The following REPS2 variants were observed in gnomAD, a reference collection of about 807,000 sequenced individuals.
The protein encoded by REPS2 is RALBP1 associated Eps domain containing 2.
Under a neutral mutation model 53.6 loss-of-function variants are expected in REPS2, and 23 were observed. The observed-to-expected ratio is 0.43, with a 90% confidence interval of 0.31 to 0.61. REPS2 has a LOEUF of 0.61. REPS2 is among the 20% of genes least tolerant of loss of function. The probability of loss-of-function intolerance (pLI) is 0.11; values close to 1 mark genes in which losing one functional copy is unlikely to be tolerated. For synonymous variants in REPS2, 238 were observed against 218.6 expected (o/e 1.09, Z -0.78); for missense variants, 446 against 534.9 (o/e 0.83, Z 1.64).
chrX:17,001,040 G>T (rs1484894122), intron 1 of REPS2, among the ~76,000 whole-genome samples: 1 of 111,633 alleles, frequency 9.0e-6, no homozygotes, highest in African/African-American at 3.3e-5. Context: ...TTTCTGAATT[G>T]GGAAGGTTTA....
intron 14 of REPS2, among the ~76,000 whole-genome samples, chrX:17,133,117 A>T (rs2063316310): frequency 9.0e-6 from 1 of 111,594 alleles, no homozygotes; most frequent in Non-Finnish European, 1.9e-5. Flanking sequence ...CCTTGCCAGC[A>T]TGGGCTTTTT....
At chrX:16,999,120 C>G (rs1027699426) in intron 1 of REPS2, among the ~76,000 whole-genome samples, 2 of 112,227 alleles carry the variant, frequency 1.8e-5, no homozygotes, top group Non-Finnish European at 3.8e-5. Context: ...TTGTATGGAT[C>G]AACCACAATT....
chrX:16,967,264 G>C (rs1475501119), intron 1 of REPS2, among the ~76,000 whole-genome samples: 1 of 111,090 alleles, frequency 9.0e-6, no homozygotes, highest in Non-Finnish European at 1.9e-5. Flanking sequence ...TTTTGAACTA[G>C]AGTGGCAGAG....
intron 1 of REPS2, among the ~76,000 whole-genome samples, chrX:17,002,049 A>G (rs1208780228): frequency 2.7e-5 from 3 of 111,719 alleles, no homozygotes; most frequent in East Asian, 2.8e-4. Context: ...TTGTATGATA[A>G]TATTGTGTTA....
chrX:16,968,930 G>T (rs1329501473), intron 1 of REPS2, among the ~76,000 whole-genome samples: 1 of 110,991 alleles, frequency 9.0e-6, no homozygotes, highest in Non-Finnish European at 1.9e-5. Flanking sequence ...CTTCTCAGAC[G>T]GGGCGGCTGC....
the REPS2 span, among the ~76,000 whole-genome samples, chrX:17,196,047 G>A: frequency 9.0e-6 from 1 of 111,467 alleles, no homozygotes; most frequent in Non-Finnish European, 1.9e-5. Context: ...TAAAGGAGGA[G>A]GAAGAGGAAG....
In REPS2 at chrX:17,006,579, G is replaced by A. The variant is rs914116114; in HGVS notation, c.397+235G>A. Among the ~76,000 whole-genome samples, 6 of 111,909 alleles carry A rather than the reference G, an allele frequency of 5.4e-5. No individual in the cohort carries two copies. The East Asian group carries it at 1.4e-3, about 26-fold the overall frequency. On this transcript the variant is annotated intron_variant, in intron 2 of 17. Transcript: ENST00000357277. ...TTTTAACTGATTTGCAGTTAAAATA[G>A]ATTTTATTCTTTAGCAGGAAGAGAT... is the stretch of plus-strand genomic sequence containing the variant.
chrX:17,061,613 G>T (rs752556342), intron 8 of REPS2, among the ~76,000 whole-genome samples: 12 of 112,726 alleles, frequency 1.1e-4, no homozygotes, highest in African/African-American at 3.9e-4. Flanking sequence ...AATTTGATTT[G>T]TAGCTTCTGT....
intron 1 of REPS2, among the ~76,000 whole-genome samples, chrX:16,961,024 C>G (rs191588296): frequency 9.4e-4 from 105 of 111,946 alleles, no homozygotes; most frequent in African/African-American, 3.3e-3. Flanking sequence ...GTCCACACTA[C>G]CCAAAACAAT....
Position 16,947,011 on chromosome X carries a change from CG to C in REPS2, c.155del (p.Gly52AlafsTer62), listed in dbSNP as rs1161345828. The C allele has an allele frequency of 1.1e-6, 1 of 942,491 alleles. No individual in the cohort carries two copies. The highest frequency in any genetic ancestry group is 1.3e-6 in the Non-Finnish European group (1 of 761,842). 77.7% of individuals were successfully genotyped at this position (942,491 alleles called of 1,213,427 possible). A position where few individuals can be genotyped will look rare whatever the true frequency, so the allele number is the denominator to read the frequency against. On this transcript the variant is annotated frameshift_variant, in exon 1 of 18. Coordinates refer to ENST00000357277, the MANE Select transcript of REPS2 (RefSeq NM_004726.3). LOFTEE classifies it high-confidence loss of function. The part of the protein sequence containing the change: ...LFARCAGAAG[G>X]GPGSGPPEAA... ...TCGCGCGCTGTGCCGGCGCCGCGGG[CG>C]GGGGCCCCGGGTCTGGGCCCCCCGA... is the stretch of plus-strand genomic sequence containing the variant.
Position 17,147,676 on chromosome X carries a change from T to A in REPS2, c.*195T>A, listed in dbSNP as rs1309068697. The A allele has an allele frequency of 3.0e-6, 1 of 329,735 alleles. No individual in the cohort carries two copies. 27.2% of individuals were successfully genotyped at this position (329,735 alleles called of 1,213,427 possible). ...TGGTGGAAAAAATACTTCAACTGAT[T>A]ATCACACTTGAAATGCTAATTATCA... is the stretch of plus-strand genomic sequence containing the variant. On this transcript the variant is annotated 3_prime_UTR_variant, in exon 18 of 18. Transcript: ENST00000357277.
intron 16 of REPS2, 22 bp from the exon 17 acceptor site, chrX:17,138,834 A>C: frequency 1.8e-6 from 2 of 1,092,787 alleles, no homozygotes; most frequent in South Asian, 4.2e-5. Flanking sequence ...TTTTTCACTG[A>C]AGTGTTTGTG....
chrX:17,091,668 CAG>C (rs1204635519), intron 13 of REPS2, among the ~76,000 whole-genome samples: 15 of 111,510 alleles, frequency 1.3e-4, no homozygotes, highest in South Asian at 1.1e-3. Flanking sequence ...GTGTGGTCAT[CAG>C]GGGATAGAGG....
the REPS2 span, among the ~76,000 whole-genome samples, chrX:17,189,961 A>T: frequency 2.4e-3 from 269 of 112,215 alleles, 2 homozygotes; most frequent in Admixed American, 5.7e-3. Context: ...TTGTTGTAAG[A>T]GATATTTGTT....
intron 1 of REPS2, among the ~76,000 whole-genome samples, chrX:16,953,124 CACACACACACACACACACACAA>C (rs1225796716): frequency 9.3e-6 from 1 of 108,065 alleles, no homozygotes; most frequent in Admixed American, 1.0e-4. Flanking sequence ...CACACACACA[CACACACACACACACACACACAA>C]ACACACAAAC....
intron 13 of REPS2, among the ~76,000 whole-genome samples, chrX:17,094,786 T>G (rs1292776815): frequency 8.9e-6 from 1 of 111,749 alleles, no homozygotes; most frequent in Non-Finnish European, 1.9e-5. Flanking sequence ...TAGTTAAAAT[T>G]TCATCTGTCA....
the REPS2 span, among the ~76,000 whole-genome samples, chrX:17,176,948 TCTC>T: frequency 4.9e-3 from 548 of 112,375 alleles, 4 homozygotes; most frequent in African/African-American, 0.017. Flanking sequence ...TCCTGCAGTG[TCTC>T]CTCCTCGGTG....
intron 2 of REPS2, 67 bp from the exon 3 acceptor site, chrX:17,022,056 G>A (rs1460899384): frequency 1.4e-5 from 14 of 1,007,732 alleles, no homozygotes; most frequent in Non-Finnish European, 1.9e-5. Flanking sequence ...TTTGGCCATT[G>A]AGTTCCCCTT....
chrX:16,968,124 C>T (rs368725181), intron 1 of REPS2, among the ~76,000 whole-genome samples: 3 of 111,425 alleles, frequency 2.7e-5, no homozygotes, highest in South Asian at 3.8e-4. Context: ...CCTGAGTGGA[C>T]ACAGCACATG....
Sources: gnomAD v4.1 joint callset for allele counts (sites outside exome capture counted in the v4.1 genomes callset) on GRCh38, gnomAD v4.1.1 for gene constraint, MANE v1.5 for transcripts, NCBI Gene and HGNC (gene_info 2026-07-23, HGNC 2026-07-21) for gene names.